Variants in CD163L1 observed in about 807,000 individuals in gnomAD.
The protein encoded by CD163L1 is CD163 molecule like 1, also known as scavenger receptor cysteine-rich type 1 protein M160.
In CD163L1, 124 loss-of-function variants were observed where a neutral mutation model predicts 165.4. The observed-to-expected ratio is 0.75, with a 90% CI of 0.65 to 0.87. CD163L1 has a LOEUF of 0.87. Ranked by LOEUF, CD163L1 falls within the 40% of genes least tolerant of loss-of-function variation. The pLI, the probability that CD163L1 is intolerant of heterozygous loss-of-function variation, is 0.00. For missense variants in CD163L1, 1,525 were observed against 1,799.9 expected, an observed-to-expected ratio of 0.85 and a Z score of 2.76; for synonymous variants, 585 against 662.2, an observed-to-expected ratio of 0.88 and a Z score of 1.79.
chr12:7,326,510 C>T, the CD163L1 span, among the ~76,000 whole-genome samples: 1 of 152,144 alleles, frequency 6.6e-6, no homozygotes, highest in Non-Finnish European at 1.5e-5. Flanking sequence ...ATGCTCAGCC[C>T]TTTCCTGAGA....
At chr12:7,403,297 G>T (rs761693583) in intron 6 of CD163L1, among the ~76,000 whole-genome samples, 1 of 152,286 alleles carries the variant, frequency 6.6e-6, no homozygotes, top group East Asian at 1.9e-4. Flanking sequence ...TTATTTTAGA[G>T]ATACAGATTA....
At chr12:7,393,232 G>A (rs747167786) in intron 8 of CD163L1, among the ~76,000 whole-genome samples, 36 of 152,200 alleles carry the variant, frequency 2.4e-4, no homozygotes, top group Non-Finnish European at 4.4e-4. Flanking sequence ...CCACGGTCAA[G>A]TTGGCTTCAT....
At position 7,421,079 on chromosome 12, in the gene CD163L1, A is replaced by G. The variant is rs552398028; in HGVS notation, c.766+11337T>C. On this transcript the variant is annotated intron_variant, in intron 4 of 19. Transcript: ENST00000313599. ...TACGTATATATGTATATATACGTAT[A>G]TATATACGTATATATATGTATATAT... Among the ~76,000 whole-genome samples the G allele has an allele frequency of 5.1e-3, 613 of 119,908 alleles. 3 individuals carry two copies. The highest frequency in any genetic ancestry group is 7.8e-3 in the Non-Finnish European group (480 of 61,310). The allele number at this position is 119,908 out of a possible 152,430, so 78.7% of individuals were successfully genotyped here. A position where few individuals can be genotyped will look rare whatever the true frequency, so the allele number is the denominator to read the frequency against.
chr12:7,322,140 C>T, the CD163L1 span, among the ~76,000 whole-genome samples: 17 of 152,280 alleles, frequency 1.1e-4, no homozygotes, highest in Non-Finnish European at 2.2e-4. Context: ...TCATTAATAG[C>T]ATCTTCTCCT....
rs1312623588 is a variant in CD163L1 at position 7,374,592 on chromosome 12, C to T, written c.3259G>A (p.Val1087Ile). Residue 1087 changes from valine (V) to isoleucine (I), a missense_variant, in exon 13 of 20, where the codon GTC becomes ATC. Coordinates refer to ENST00000313599, the MANE Select transcript of CD163L1 (RefSeq NM_174941.6). This position sits in a 1 kb window ranked among gnomAD's most constrained non-coding sequence, Gnocchi z 5.4. ...LGCGVAFNAT[V>I]SAHFGEGSGP... The stretch of plus-strand genomic sequence containing the variant: ...GACCCCTCCCCAAAGTGAGCAGAGA[C>T]CGTGGCATTGAAGGCCACTCCACAG... 1 of 1,614,116 alleles carries T rather than the reference C, an allele frequency of 6.2e-7. No homozygotes were observed. The highest frequency in any genetic ancestry group is 8.5e-7 in the Non-Finnish European group (1 of 1,180,046).
chr12:7,431,609 G>A (rs912541988), intron 4 of CD163L1, among the ~76,000 whole-genome samples: 1 of 151,948 alleles, frequency 6.6e-6, no homozygotes, highest in Non-Finnish European at 1.5e-5. Context: ...GGCCCGTTGG[G>A]GGGTGGGGGG....
chr12:7,374,947 G>A lies in CD163L1; in HGVS notation c.3002-24C>T, dbSNP rs758414313. On this transcript the variant is annotated intron_variant, in intron 11 of 19. Coordinates refer to ENST00000313599, the MANE Select transcript of CD163L1 (RefSeq NM_174941.6). This position sits in a 1 kb window ranked among gnomAD's most constrained non-coding sequence, Gnocchi z 5.4. ...TCCTGGTGGAGGGTGCAGGAAATGG[G>A]GCAAAAGTAAGACCAAAATACATGG... 6.2e-7 allele frequency: 1 copy of A among 1,609,106 alleles called. No individual in the cohort carries two copies. The highest frequency in any genetic ancestry group is 1.1e-5 in the South Asian group (1 of 90,968).
At chr12:7,333,679 T>TA in the CD163L1 span, among the ~76,000 whole-genome samples, 13 of 152,006 alleles carry the variant, frequency 8.6e-5, no homozygotes, top group South Asian at 1.2e-3. Context: ...AAAAAACCCT[T>TA]AAAAAATCAG....
At chr12:7,426,179 A>T (rs995181845) in intron 4 of CD163L1, among the ~76,000 whole-genome samples, 4 of 152,184 alleles carry the variant, frequency 2.6e-5, no homozygotes, top group African/African-American at 9.7e-5. Context: ...TTCTCAGCAA[A>T]TTAACACAAG....
intron 9 of CD163L1, among the ~76,000 whole-genome samples, chr12:7,378,147 A>G (rs1947310769): frequency 6.6e-6 from 1 of 152,188 alleles, no homozygotes; most frequent in South Asian, 2.1e-4. Flanking sequence ...TTAGTCTAGA[A>G]ACCTTTATCT....
At chr12:7,378,735 A>T (rs376386288) in intron 9 of CD163L1, among the ~76,000 whole-genome samples, 2 of 152,170 alleles carry the variant, frequency 1.3e-5, no homozygotes, top group East Asian at 1.9e-4. Context: ...CAAATAGGTA[A>T]TATCTTCTAA....
At chr12:7,324,799 A>C in the CD163L1 span, among the ~76,000 whole-genome samples, 3 of 152,002 alleles carry the variant, frequency 2.0e-5, no homozygotes, top group African/African-American at 7.3e-5. Flanking sequence ...TTTGATGGCA[A>C]GTGGCAGAAA....
chr12:7,413,393 T>C (rs899729988), intron 4 of CD163L1, among the ~76,000 whole-genome samples: 1 of 152,044 alleles, frequency 6.6e-6, no homozygotes, highest in Admixed American at 6.6e-5. Flanking sequence ...CTGGGGACCA[T>C]CAGGAGAAAA....
chr12:7,442,462 C>G (rs1212141823), intron 1 of CD163L1, among the ~76,000 whole-genome samples: 1 of 152,100 alleles, frequency 6.6e-6, no homozygotes. Context: ...AAGAAGTAAT[C>G]CCAAGTGAGT....
chr12:7,333,404 G>A, the CD163L1 span, among the ~76,000 whole-genome samples: 9,291 of 152,194 alleles, frequency 0.061, 377 homozygotes, highest in East Asian at 0.16. Context: ...GGTACATAAC[G>A]AAATGAAGGC....
intron 8 of CD163L1, among the ~76,000 whole-genome samples, chr12:7,393,334 T>C (rs1947699622): frequency 6.6e-6 from 1 of 152,152 alleles, no homozygotes; most frequent in African/African-American, 2.4e-5. Context: ...CATGATTATC[T>C]CAATAGATGC....
At chr12:7,411,647 T>C (rs1375950187) in intron 4 of CD163L1, among the ~76,000 whole-genome samples, 1 of 152,190 alleles carries the variant, frequency 6.6e-6, no homozygotes, top group Non-Finnish European at 1.5e-5. Context: ...CCAGAAGCAG[T>C]TGCTGGTTCC....
At chr12:7,389,425 C>A (rs982514944) in intron 8 of CD163L1, among the ~76,000 whole-genome samples, 4 of 152,054 alleles carry the variant, frequency 2.6e-5, no homozygotes, top group African/African-American at 7.2e-5. Flanking sequence ...AGGCAAACAT[C>A]GCATGCTCTC....
intron 18 of CD163L1, among the ~76,000 whole-genome samples, chr12:7,358,201 T>C (rs1946819614): frequency 6.6e-6 from 1 of 151,832 alleles, no homozygotes; most frequent in Non-Finnish European, 1.5e-5. Context: ...AGTAATGGGG[T>C]AGGGAAATCT....
Sources: gnomAD v4.1 joint callset for allele counts (sites outside exome capture counted in the v4.1 genomes callset) on GRCh38, gnomAD v4.1.1 for gene constraint, Gnocchi (gnomAD v3.1) non-coding constraint, MANE v1.5 for transcripts, NCBI Gene and HGNC (gene_info 2026-07-23, HGNC 2026-07-21) for gene names.